The following RGS6 variants were observed in gnomAD, a reference collection of about 807,000 sequenced individuals.
The protein encoded by RGS6 is regulator of G-protein signaling 6.
In RGS6, 30 loss-of-function variants were observed where a neutral mutation model predicts 78.5. The observed-to-expected ratio is 0.38, with a 90% CI of 0.29 to 0.52. The LOEUF (loss-of-function observed/expected upper bound fraction) is 0.52, where lower values mean the gene tolerates loss of function less well. RGS6 is among the 20% of genes least tolerant of loss of function. The pLI is 0.85. For missense variants in RGS6, 495 were observed against 609.7 expected, an observed-to-expected ratio of 0.81 and a Z score of 1.98; for synonymous variants, 206 against 206.0, an observed-to-expected ratio of 1.00 and a Z score of 0.00.
chr14:71,891,280 G>A, the RGS6 span, among the ~76,000 whole-genome samples: 1 of 152,174 alleles, frequency 6.6e-6, no homozygotes, highest in African/African-American at 2.4e-5. Context: ...TTCTCACTGG[G>A]TGCCTCTCCC....
At chr14:72,562,147 T>G (rs2097684627) in intron 17 of RGS6, among the ~76,000 whole-genome samples, 1 of 152,152 alleles carries the variant, frequency 6.6e-6, no homozygotes, top group South Asian at 2.1e-4. Context: ...GTAAGTAAAA[T>G]TCCCATACCA....
At chr14:72,199,650 C>T (rs1453331095) in intron 2 of RGS6, among the ~76,000 whole-genome samples, 1 of 152,164 alleles carries the variant, frequency 6.6e-6, no homozygotes, top group African/African-American at 2.4e-5. Flanking sequence ...GCTCTCCCCT[C>T]AGTAGGTGGC....
At chr14:72,286,868 C>T (rs896299301) in intron 2 of RGS6, among the ~76,000 whole-genome samples, 1 of 148,984 alleles carries the variant, frequency 6.7e-6, no homozygotes, top group Non-Finnish European at 1.5e-5. Context: ...ACTGCAATCT[C>T]CACCTCTCAG....
downstream of RGS6, among the ~76,000 whole-genome samples, chr14:72,571,180 A>G (rs559845209): frequency 1.1e-4 from 17 of 152,242 alleles, no homozygotes; most frequent in Non-Finnish European, 2.1e-4. Context: ...CCTTCATTCT[A>G]CAGAACGGGA....
At chr14:72,491,631 A>G (rs2096579208) in intron 12 of RGS6, among the ~76,000 whole-genome samples, 2 of 152,208 alleles carry the variant, frequency 1.3e-5, no homozygotes, top group African/African-American at 2.4e-5. Context: ...AGCGAGTACA[A>G]GGTATCAAAG....
chr14:72,370,967 CTTG>C (rs2083400368), intron 3 of RGS6, among the ~76,000 whole-genome samples: 1 of 152,304 alleles, frequency 6.6e-6, no homozygotes, highest in East Asian at 1.9e-4. Flanking sequence ...AGTCAGTTTT[CTTG>C]TTGTCCTTAA....
intron 3 of RGS6, among the ~76,000 whole-genome samples, chr14:72,413,203 A>T (rs1041694832): frequency 6.6e-6 from 1 of 152,204 alleles, no homozygotes; most frequent in African/African-American, 2.4e-5. Context: ...GTGGGAGTCT[A>T]AGTCTCTTTG....
At chr14:71,986,955 A>T (rs1285609762) in intron 2 of RGS6, among the ~76,000 whole-genome samples, 1 of 151,168 alleles carries the variant, frequency 6.6e-6, no homozygotes, top group Non-Finnish European at 1.5e-5. Context: ...CTCTTATAGG[A>T]CCCCCGGTGA....
At chr14:72,490,405 G>C (rs2096562460) in intron 12 of RGS6, among the ~76,000 whole-genome samples, 1 of 152,154 alleles carries the variant, frequency 6.6e-6, no homozygotes, top group Non-Finnish European at 1.5e-5. Flanking sequence ...GTCTTTATCA[G>C]CAGCATGAAA....
chr14:72,366,137 C>T (rs1414480467), intron 3 of RGS6, among the ~76,000 whole-genome samples: 1 of 152,160 alleles, frequency 6.6e-6, no homozygotes, highest in Non-Finnish European at 1.5e-5. Context: ...CATGCTCACC[C>T]ACCCCACATC....
intron 2 of RGS6, among the ~76,000 whole-genome samples, chr14:72,074,785 CAAGT>C (rs1212678925): frequency 6.6e-6 from 1 of 152,094 alleles, no homozygotes; most frequent in Non-Finnish European, 1.5e-5. Flanking sequence ...CTCAAGTGGG[CAAGT>C]AAGACAGTCA....
chr14:72,589,565 T>G, the RGS6 span, among the ~76,000 whole-genome samples: 1 of 151,246 alleles, frequency 6.6e-6, no homozygotes, highest in Non-Finnish European at 1.5e-5. Context: ...AAAAAAAAAT[T>G]GATGTAAATT....
At chr14:71,873,290 C>G in the RGS6 span, among the ~76,000 whole-genome samples, 2 of 152,192 alleles carry the variant, frequency 1.3e-5, no homozygotes, top group African/African-American at 4.8e-5. Context: ...TCTCCACATC[C>G]TCTCCAGCAC....
At chr14:72,554,274 T>C (rs901541275) in intron 17 of RGS6, among the ~76,000 whole-genome samples, 2 of 152,234 alleles carry the variant, frequency 1.3e-5, no homozygotes, top group African/African-American at 4.8e-5. Context: ...TGAACACATT[T>C]GCAAGAGATA....
Position 72,340,635 on chromosome 14 carries a change from G to A in RGS6, c.85-11460G>A, listed in dbSNP as rs183179491. ...TCTGGTGATGACAGCCTCAGATGCA[G>A]ACTCTTTAAGCCTTCTCAAGGCTTT... On this transcript the variant is annotated intron_variant, in intron 2 of 17. Transcript: ENST00000553525. 2.9e-4 allele frequency among the ~76,000 whole-genome samples: 44 copies of A among 152,318 alleles called. 1 individual carries two copies. The East Asian group carries it at 6.8e-3, about 23-fold the overall frequency.
At chr14:72,584,654 C>A in the RGS6 span, among the ~76,000 whole-genome samples, 4 of 152,254 alleles carry the variant, frequency 2.6e-5, no homozygotes, top group Admixed American at 1.3e-4. Context: ...GAGAGTAAAG[C>A]GCCAGCCTCT....
chr14:72,092,151 A>G (rs1310758290), intron 2 of RGS6, among the ~76,000 whole-genome samples: 4 of 151,832 alleles, frequency 2.6e-5, no homozygotes, highest in Non-Finnish European at 5.9e-5. Flanking sequence ...TCAGCCTCCC[A>G]GGTAGCTGGG....
chr14:72,174,263 A>T (rs1167131036), intron 2 of RGS6, among the ~76,000 whole-genome samples: 1 of 152,194 alleles, frequency 6.6e-6, no homozygotes, highest in Non-Finnish European at 1.5e-5. Flanking sequence ...ATAGGCCACC[A>T]TGCCCAGCTA....
chr14:72,529,653 C>CA (rs2097158427), intron 15 of RGS6, among the ~76,000 whole-genome samples: 1 of 152,124 alleles, frequency 6.6e-6, no homozygotes, highest in African/African-American at 2.4e-5. Flanking sequence ...ACCAGACCCC[C>CA]CCCTCCCTGC....
Sources: allele counts gnomAD v4.1 joint callset (sites outside exome capture counted in the v4.1 genomes callset), GRCh38; gene constraint gnomAD v4.1.1; transcripts MANE v1.5; gene names NCBI Gene and HGNC (gene_info 2026-07-23, HGNC 2026-07-21).